Variants in SCUBE1 observed in about 807,000 individuals in gnomAD.
SCUBE1 encodes the protein signal peptide, CUB and EGF-like domain-containing protein 1.
SCUBE1 carries 59 observed loss-of-function variants against 124.4 expected under a neutral mutation model. The observed-to-expected ratio is 0.47, with a 90% CI of 0.38 to 0.59. The LOEUF (loss-of-function observed/expected upper bound fraction) is 0.59. SCUBE1 is among the 20% of genes least tolerant of loss of function. The pLI, the probability that SCUBE1 is intolerant of heterozygous loss-of-function variation, is 0.00. For missense variants in SCUBE1, 1,150 were observed against 1,371.2 expected (o/e 0.84, Z 2.55); for synonymous variants, 545 against 550.9 (o/e 0.99, Z 0.15).
intron 3 of SCUBE1, among the ~76,000 whole-genome samples, chr22:43,318,964 C>T (rs761743090): frequency 1.3e-5 from 2 of 152,128 alleles, no homozygotes; most frequent in African/African-American, 4.8e-5. Flanking sequence ...TCAGGTGATC[C>T]ACCCGCCTTG....
chr22:43,336,121 A>G (rs1601901493), intron 2 of SCUBE1, among the ~76,000 whole-genome samples: 2 of 152,312 alleles, frequency 1.3e-5, no homozygotes, highest in East Asian at 3.9e-4. Context: ...CCAGTGCACT[A>G]TACTGTGCCT....
At chr22:43,225,308 T>C (rs1371413860) in intron 10 of SCUBE1, among the ~76,000 whole-genome samples, 1 of 152,108 alleles carries the variant, frequency 6.6e-6, no homozygotes, top group Non-Finnish European at 1.5e-5. Context: ...AGAGCTATGC[T>C]GAGTGCTGAA....
intron 15 of SCUBE1, among the ~76,000 whole-genome samples, chr22:43,215,919 G>GCA (rs140423299): frequency 0.18 from 27,851 of 152,088 alleles, 4,010 homozygotes; most frequent in African/African-American, 0.4. Context: ...TCACACACAT[G>GCA]CACACGTGTG....
At chr22:43,208,310 C>T (rs548358375) in intron 19 of SCUBE1, 86 bp from the exon 20 acceptor site, 1 of 1,295,254 alleles carries the variant, frequency 7.7e-7, no homozygotes, top group African/African-American at 1.5e-5. Flanking sequence ...AGTCCACCAC[C>T]CAGCACCTGC....
chr22:43,290,238 C>T (rs1925306248), intron 4 of SCUBE1, among the ~76,000 whole-genome samples: 1 of 152,032 alleles, frequency 6.6e-6, no homozygotes, highest in Non-Finnish European at 1.5e-5. Flanking sequence ...TGTCCTGGCT[C>T]TCTCCTCCAA....
At chr22:43,303,373 G>A (rs935781166) in intron 3 of SCUBE1, among the ~76,000 whole-genome samples, 3 of 152,236 alleles carry the variant, frequency 2.0e-5, no homozygotes, top group African/African-American at 7.2e-5. Context: ...CCCTGCATTG[G>A]CTCCCCAGCT....
chr22:43,314,212 C>T lies in SCUBE1; in HGVS notation c.349+5725G>A, dbSNP rs149735617. ...TGGGGACAAAACCTTGTGCAGGAAG[C>T]TTTGTCAGGCAGCACAAAGAATTCC... is the stretch of plus-strand genomic sequence containing the variant. On this transcript the variant is annotated intron_variant, in intron 3 of 21. Transcript: ENST00000360835. 3.2e-3 allele frequency among the ~76,000 whole-genome samples: 484 copies of T among 152,308 alleles called. 4 individuals are homozygous for T. Among genetic ancestry groups the T allele is most frequent in the African/African-American group, 0.01 (423 of 41,548 alleles).
intron 3 of SCUBE1, among the ~76,000 whole-genome samples, chr22:43,306,277 G>A (rs1925966353): frequency 6.6e-6 from 1 of 152,156 alleles, no homozygotes; most frequent in African/African-American, 2.4e-5. Flanking sequence ...TATTTTTAAG[G>A]AGCCTTCACA....
intron 4 of SCUBE1, among the ~76,000 whole-genome samples, chr22:43,275,227 C>T (rs187805417): frequency 0.01 from 1,560 of 152,304 alleles, 12 homozygotes; most frequent in South Asian, 0.015. Context: ...GGAGAGAAGC[C>T]GGCAGACCTG....
At chr22:43,279,427 A>G (rs1458775915) in intron 4 of SCUBE1, among the ~76,000 whole-genome samples, 1 of 152,234 alleles carries the variant, frequency 6.6e-6, no homozygotes, top group African/African-American at 2.4e-5. Context: ...TAAGCCCACC[A>G]CAGAGTAAGC....
rs1366114606 is a variant in SCUBE1, at chr22:43,211,863, G to A, written c.2221+562C>T. ...GGCAAATTCAGAACAGTTTGTATGT[G>A]CAGGGGAGTATCTGGTGATGTGGCT... On this transcript the variant is annotated intron_variant, in intron 17 of 21. Transcript: ENST00000360835. This position sits in a 1 kb window ranked among gnomAD's most constrained non-coding sequence, Gnocchi z 4.5. Among the ~76,000 whole-genome samples, 2 of 152,130 alleles carry A rather than the reference G, an allele frequency of 1.3e-5. No individual in the cohort carries two copies. Among genetic ancestry groups the A allele is most frequent in the Non-Finnish European group, 2.9e-5 (2 of 68,018 alleles).
intron 4 of SCUBE1, among the ~76,000 whole-genome samples, chr22:43,281,760 C>T (rs191830171): frequency 6.6e-6 from 1 of 152,370 alleles, no homozygotes; most frequent in East Asian, 1.9e-4. Flanking sequence ...TTCACCTGTA[C>T]AACTGAGGCA....
At chr22:43,238,774 G>A in intron 7 of SCUBE1, 64 bp downstream of exon 7, 1 of 1,343,108 alleles carries the variant, frequency 7.4e-7, no homozygotes, top group Non-Finnish European at 1.1e-6. Context: ...GGCTATGCAA[G>A]CACACGGAGG....
intron 2 of SCUBE1, among the ~76,000 whole-genome samples, chr22:43,331,628 A>C (rs1396657958): frequency 6.6e-6 from 1 of 152,248 alleles, no homozygotes; most frequent in East Asian, 1.9e-4. Context: ...AATTAAGATT[A>C]GTAGGACCCA....
chr22:43,287,243 T>A (rs1036244706), intron 4 of SCUBE1, among the ~76,000 whole-genome samples: 1 of 152,214 alleles, frequency 6.6e-6, no homozygotes, highest in African/African-American at 2.4e-5. Context: ...GAGGAGCCTG[T>A]GTGTGTCCCC....
In SCUBE1 at chr22:43,269,288, C is replaced by T. The variant is rs5759242; in HGVS notation, c.485-6443G>A. On this transcript the variant is annotated intron_variant, in intron 4 of 21. Coordinates refer to ENST00000360835, the MANE Select transcript of SCUBE1 (RefSeq NM_173050.5). ...GGGGCCTATCTTCCCCCAAGGCCTT[C>T]GATCATTCTTGGGTACTCCACTAGA... Among the ~76,000 whole-genome samples, 3,415 of 152,194 alleles carry T rather than the reference C, an allele frequency of 0.022. 279 individuals carry two copies. The East Asian group carries it at 0.3, about 13-fold the overall frequency.
At chr22:43,340,556 G>A (rs569562688) in intron 1 of SCUBE1, among the ~76,000 whole-genome samples, 135 of 150,306 alleles carry the variant, frequency 9.0e-4, no homozygotes, top group Non-Finnish European at 1.3e-3. Context: ...GAGGGGACGT[G>A]CCTCTTGTCG....
At chr22:43,221,038 A>G (rs1266061196) in intron 13 of SCUBE1, 135 bp downstream of exon 13, 6 of 641,196 alleles carry the variant, frequency 9.4e-6, no homozygotes, top group Non-Finnish European at 1.6e-5. Context: ...CTCTCATTCA[A>G]TAAACAGCTG....
intron 3 of SCUBE1, among the ~76,000 whole-genome samples, chr22:43,298,410 C>T (rs1486942661): frequency 6.6e-6 from 1 of 152,182 alleles, no homozygotes; most frequent in African/African-American, 2.4e-5. Flanking sequence ...GGGCCTGAGT[C>T]CAAGCTCAGG....
Sources: gnomAD v4.1 joint callset for allele counts (sites outside exome capture counted in the v4.1 genomes callset) on GRCh38, gnomAD v4.1.1 for gene constraint, Gnocchi (gnomAD v3.1) non-coding constraint, MANE v1.5 for transcripts, NCBI Gene and HGNC (gene_info 2026-07-23, HGNC 2026-07-21) for gene names.